Variants in SMARCA4 observed in about 807,000 individuals in gnomAD.
SMARCA4 encodes SWI/SNF related BAF chromatin remodeling complex subunit ATPase 4.
Under a neutral mutation model 193.9 loss-of-function variants are expected in SMARCA4, and 31 were observed. The ratio of observed to expected loss-of-function variants is 0.16; its 90% confidence interval spans 0.12 to 0.22. The LOEUF (loss-of-function observed/expected upper bound fraction) is 0.22. SMARCA4 is among the 10% of genes least tolerant of loss of function. The probability of loss-of-function intolerance (pLI) is 1.00; values close to 1 mark genes in which losing one functional copy is unlikely to be tolerated. For missense variants in SMARCA4, 1,148 were observed against 2,296.0 expected, an observed-to-expected ratio of 0.50 and a Z score of 10.22; for synonymous variants, 942 against 933.1, an observed-to-expected ratio of 1.01 and a Z score of -0.17.
chr19:11,029,803 A>G (rs879553613), intron 24 of SMARCA4, among the ~76,000 whole-genome samples: 3 of 151,902 alleles, frequency 2.0e-5, no homozygotes, highest in Admixed American at 6.6e-5. Context: ...CCTCCCTGGT[A>G]TCTGGGATTA....
rs893089012 is a variant in SMARCA4 at position 10,965,972 on chromosome 19, T to G, written c.-32+4798T>G. ...GGGAGAGTGTGTTTAGTGGCATGGTTTTTTTTTTTTTTTTTTTTTTTTTTT... is the reference window on the plus strand; with the variant it reads ...GGGAGAGTGTGTTTAGTGGCATGGTGTTTTTTTTTTTTTTTTTTTTTTTTT... On this transcript the variant is annotated intron_variant, in intron 1 of 34. Coordinates refer to ENST00000344626, the MANE Select transcript of SMARCA4 (RefSeq NM_003072.5). Among the ~76,000 whole-genome samples, 10 of 74,470 alleles carry G rather than the reference T, an allele frequency of 1.3e-4. No individual in the cohort carries two copies. In the South Asian group the frequency reaches 1.6e-3, roughly 12 times the overall value. The allele number at this position is 74,470 out of a possible 152,430, so 48.9% of individuals were successfully genotyped here. A position where few individuals can be genotyped will look rare whatever the true frequency, so the allele number is the denominator to read the frequency against.
intron 13 of SMARCA4, among the ~76,000 whole-genome samples, chr19:11,004,995 C>T (rs1432709005): frequency 6.6e-6 from 1 of 152,020 alleles, no homozygotes; most frequent in Non-Finnish European, 1.5e-5. Flanking sequence ...CCAAACCCGG[C>T]TAATTTTTTT....
chr19:10,963,416 TG>T (rs373623882), intron 1 of SMARCA4, among the ~76,000 whole-genome samples: 2 of 148,242 alleles, frequency 1.3e-5, no homozygotes, highest in Admixed American at 1.4e-4. Flanking sequence ...GGTGCAGGAC[TG>T]GGGGTGGATT....
chr19:10,965,813 A>G (rs538411489), intron 1 of SMARCA4, among the ~76,000 whole-genome samples: 1 of 151,996 alleles, frequency 6.6e-6, no homozygotes, highest in Non-Finnish European at 1.5e-5. Context: ...TCTTTAAAAA[A>G]TTTTTCTAAT....
chr19:11,010,350 T>A (rs748213592), intron 14 of SMARCA4, 31 bp from the exon 15 acceptor site: 22 of 1,612,662 alleles, frequency 1.4e-5, no homozygotes, highest in African/African-American at 5.3e-5. Flanking sequence ...GGAATGTGTG[T>A]CCTTACCCGG....
rs2145731047 is a variant in SMARCA4, at chr19:10,984,461, A to G, written c.222+88A>G. The G allele has an allele frequency of 6.5e-7, 1 of 1,547,572 alleles. No homozygotes were observed. Among genetic ancestry groups the G allele is most frequent in the Non-Finnish European group, 8.7e-7 (1 of 1,146,158 alleles). On this transcript the variant is annotated intron_variant, in intron 2 of 34. Coordinates refer to ENST00000344626, the MANE Select transcript of SMARCA4 (RefSeq NM_003072.5). This position sits in a 1 kb window ranked among gnomAD's most constrained non-coding sequence, Gnocchi z 4.3. ...CTGGACCGAGGGCCTTACTTGGAGGATGGGGGGAAGCCTTCTTGTTGGAGG... is the reference window on the plus strand; with the variant it reads ...CTGGACCGAGGGCCTTACTTGGAGGGTGGGGGGAAGCCTTCTTGTTGGAGG...
chr19:10,978,063 G>A (rs992415401), intron 1 of SMARCA4, among the ~76,000 whole-genome samples: 2 of 152,204 alleles, frequency 1.3e-5, no homozygotes, highest in African/African-American at 4.8e-5. Context: ...AGTCTCAGTT[G>A]TTACCATCAA....
Position 11,033,248 on chromosome 19 carries a change from C to A in SMARCA4, c.3547-42C>A. 1.3e-6 allele frequency: 2 copies of A among 1,501,678 alleles called. No individual in the cohort carries two copies. The highest frequency in any genetic ancestry group is 1.9e-6 in the Non-Finnish European group (2 of 1,079,168). The allele number at this position is 1,501,678 out of a possible 1,614,324, so 93.0% of individuals were successfully genotyped here. A position where few individuals can be genotyped will look rare whatever the true frequency, so the allele number is the denominator to read the frequency against. The stretch of plus-strand genomic sequence containing the variant: ...CAGAGGCCACCTTCCCTTTTATGAC[C>A]TCCTGGGCTCCTTTGGGACTGACTG... On this transcript the variant is annotated intron_variant, in intron 25 of 34. Coordinates refer to ENST00000344626, the MANE Select transcript of SMARCA4 (RefSeq NM_003072.5). This position sits in a 1 kb window ranked among gnomAD's most constrained non-coding sequence, Gnocchi z 9.8.
At chr19:11,008,928 A>G (rs879534988) in intron 14 of SMARCA4, among the ~76,000 whole-genome samples, 1 of 145,198 alleles carries the variant, frequency 6.9e-6, no homozygotes, top group Non-Finnish European at 1.5e-5. Context: ...GAGCTGAGAT[A>G]GCGCCACTGC....
chr19:10,974,851 T>C (rs2084997805), intron 1 of SMARCA4, among the ~76,000 whole-genome samples: 1 of 148,012 alleles, frequency 6.8e-6, no homozygotes, highest in Admixed American at 6.8e-5. Context: ...TGATTACAGG[T>C]GCCCACCACC....
chr19:11,061,955 T>C lies in SMARCA4; in HGVS notation c.*139T>C. ...TAAACAAAAGAATCTTCCATATTTA[T>C]ACAGCAGAGAAGCTGTAGGACTGTT... is the stretch of plus-strand genomic sequence containing the variant. On this transcript the variant is annotated 3_prime_UTR_variant, in exon 35 of 35. Transcript: ENST00000344626. 2.4e-6 allele frequency: 2 copies of C among 824,316 alleles called. No individual in the cohort carries two copies. Among genetic ancestry groups the C allele is most frequent in the Non-Finnish European group, 4.1e-6 (2 of 486,270 alleles). 51.1% of individuals were successfully genotyped at this position (824,316 alleles called of 1,614,324 possible).
chr19:10,997,205 A>G (rs1314643745), intron 11 of SMARCA4, among the ~76,000 whole-genome samples: 1 of 150,700 alleles, frequency 6.6e-6, no homozygotes, highest in East Asian at 1.9e-4. Context: ...TTATTTATTT[A>G]TTTATTTATT....
chr19:10,997,442 C>T (rs187106901), intron 11 of SMARCA4, among the ~76,000 whole-genome samples: 3 of 151,136 alleles, frequency 2.0e-5, no homozygotes, highest in South Asian at 4.1e-4. Flanking sequence ...TCGTGAACAT[C>T]GGCCTCCCAA....
Position 11,062,070 on chromosome 19 carries a change from C to CA in SMARCA4, c.*255dup, listed in dbSNP as rs2076926473. The CA allele has an allele frequency of 1.8e-6, 1 of 570,286 alleles. No individual in the cohort carries two copies. Among genetic ancestry groups the CA allele is most frequent in the Non-Finnish European group, 3.2e-6 (1 of 316,690 alleles). The allele number at this position is 570,286 out of a possible 1,614,324, so 35.3% of individuals were successfully genotyped here. Reference sequence around the variant, plus strand: ...AGAGAGAATTCCGAATTGGGGAACACACGATACCTGTTTTTCTTTTCCGTT... The same window carrying CA: ...AGAGAGAATTCCGAATTGGGGAACACAACGATACCTGTTTTTCTTTTCCGTT... On this transcript the variant is annotated 3_prime_UTR_variant, in exon 35 of 35. Transcript: ENST00000344626.
Position 11,021,728 on chromosome 19 carries a change from C to T in SMARCA4, c.2620C>T (p.Arg874Cys), listed in dbSNP as rs2146414967. ...TTGCCCACTCTGGGGCCCGCAGATCCGTTGGAAGTACATGATTGTGGACGA... is the reference window on the plus strand; with the variant it reads ...TTGCCCACTCTGGGGCCCGCAGATCTGTTGGAAGTACATGATTGTGGACGA... ...IKDKHILAKI[R>C]WKYMIVDEGH... Residue 874 changes from arginine to cysteine, a missense_variant, in exon 19 of 35, where the codon CGT becomes TGT. By Grantham distance (180) the Arg-to-Cys change is radical. Around this residue, in one of 17 missense-constraint regions of SMARCA4, gnomAD observed 54 missense variants for 123.3 expected, o/e 0.44. Coordinates refer to ENST00000344626, the MANE Select transcript of SMARCA4 (RefSeq NM_003072.5). 2 of 1,610,190 alleles carry T rather than the reference C, an allele frequency of 1.2e-6. No homozygotes were observed. Among genetic ancestry groups the T allele is most frequent in the Non-Finnish European group, 1.7e-6 (2 of 1,178,052 alleles).
intron 29 of SMARCA4, among the ~76,000 whole-genome samples, chr19:11,037,484 C>T (rs180914469): frequency 1.3e-5 from 2 of 152,254 alleles, no homozygotes; most frequent in Admixed American, 6.5e-5. Context: ...GTCACATCAT[C>T]CTTTACCCAA....
At position 11,058,306 on chromosome 19, in the gene SMARCA4, G is replaced by A. The variant is rs2147086535; in HGVS notation, c.4476G>A (p.Lys1492=). The change falls in exon 31 of 35, where the codon AAG becomes AAA. Residue 1492 remains lysine, a synonymous_variant. Transcript: ENST00000344626. This position sits in a 1 kb window ranked among gnomAD's most constrained non-coding sequence, Gnocchi z 5.8. ...TCTTCATCCAGCTGCCCTCGCGAAAGGAGCTGCCCGAGTACTACGAGCTCA... is the reference window on the plus strand; with the variant it reads ...TCTTCATCCAGCTGCCCTCGCGAAAAGAGCTGCCCGAGTACTACGAGCTCA... ...SEVFIQLPSR[K]ELPEYYELIR... 6.2e-7 allele frequency: 1 copy of A among 1,613,694 alleles called. No individual in the cohort carries two copies. Among genetic ancestry groups the A allele is most frequent in the Non-Finnish European group, 8.5e-7 (1 of 1,179,974 alleles).
At chr19:10,971,933 C>T (rs984474655) in intron 1 of SMARCA4, among the ~76,000 whole-genome samples, 5 of 151,440 alleles carry the variant, frequency 3.3e-5, no homozygotes, top group African/African-American at 7.3e-5. Flanking sequence ...GGATTACAGG[C>T]GTGCACCACC....
At chr19:11,025,121 A>G (rs963167732) in intron 21 of SMARCA4, among the ~76,000 whole-genome samples, 1 of 152,114 alleles carries the variant, frequency 6.6e-6, no homozygotes, top group Non-Finnish European at 1.5e-5. Flanking sequence ...CAAAGCTGGC[A>G]TCACAAAGCA....
Sources: gnomAD v4.1 joint callset for allele counts (sites outside exome capture counted in the v4.1 genomes callset) on GRCh38, gnomAD v4.1.1 for gene constraint, gnomAD v4.1.1 regional missense constraint, Gnocchi (gnomAD v3.1) non-coding constraint, MANE v1.5 for transcripts, NCBI Gene and HGNC (gene_info 2026-07-23, HGNC 2026-07-21) for gene names.